Variants in SORCS3 observed in about 807,000 individuals in gnomAD.
SORCS3 encodes the protein VPS10 domain-containing receptor SorCS3.
Under a neutral mutation model 146.3 loss-of-function variants are expected in SORCS3, and 57 were observed. That is an observed-to-expected ratio of 0.39 (90% CI 0.31 to 0.49). The LOEUF is 0.49. Among genes scored for constraint, SORCS3 ranks in the 20% least tolerant of loss-of-function variants. SORCS3 has a pLI of 0.92. For missense variants in SORCS3, 1,341 were observed against 1,575.5 expected, an observed-to-expected ratio of 0.85 and a Z score of 2.52; for synonymous variants, 653 against 618.5, an observed-to-expected ratio of 1.06 and a Z score of -0.83.
chr10:104,774,895 C>T (rs940492842), intron 1 of SORCS3, among the ~76,000 whole-genome samples: 6 of 152,198 alleles, frequency 3.9e-5, no homozygotes, highest in Admixed American at 6.5e-5. Context: ...ACTTCACCAA[C>T]GAGCTGAGAC....
intron 7 of SORCS3, among the ~76,000 whole-genome samples, chr10:105,138,488 GCCT>G (rs1297260914): frequency 2.6e-5 from 4 of 152,196 alleles, no homozygotes; most frequent in Non-Finnish European, 5.9e-5. Context: ...TTGGGTAATT[GCCT>G]CCTCAGCGCA....
chr10:105,233,532 T>G (rs1237231471), intron 20 of SORCS3, among the ~76,000 whole-genome samples: 2 of 152,156 alleles, frequency 1.3e-5, no homozygotes. Context: ...CATTAGGTAC[T>G]TCTCCTAATG....
intron 19 of SORCS3, among the ~76,000 whole-genome samples, chr10:105,218,058 C>G (rs1274650176): frequency 1.3e-5 from 2 of 152,150 alleles, no homozygotes; most frequent in African/African-American, 4.8e-5. Flanking sequence ...GTGATGGCAT[C>G]AACTCTATTG....
At chr10:104,668,623 CTG>C (rs1311101666) in intron 1 of SORCS3, among the ~76,000 whole-genome samples, 1 of 152,306 alleles carries the variant, frequency 6.6e-6, no homozygotes, top group East Asian at 1.9e-4. Flanking sequence ...TCAAAATTAA[CTG>C]TGATTAAGTG....
intron 14 of SORCS3, among the ~76,000 whole-genome samples, chr10:105,184,219 T>C (rs2056461281): frequency 6.6e-6 from 1 of 152,208 alleles, no homozygotes; most frequent in South Asian, 2.1e-4. Context: ...ATTCAATCCT[T>C]CTAGCCTAGT....
chr10:105,215,352 A>G (rs1724529342), intron 18 of SORCS3, among the ~76,000 whole-genome samples: 1 of 152,184 alleles, frequency 6.6e-6, no homozygotes, highest in Non-Finnish European at 1.5e-5. Context: ...CTCTAAATTT[A>G]TATGCAAATT....
At chr10:104,937,216 C>T (rs2019268711) in intron 3 of SORCS3, among the ~76,000 whole-genome samples, 1 of 152,198 alleles carries the variant, frequency 6.6e-6, no homozygotes, top group Admixed American at 6.5e-5. Flanking sequence ...TAATGTTGGC[C>T]TGCCGTCCAC....
intron 25 of SORCS3, among the ~76,000 whole-genome samples, chr10:105,261,511 T>G (rs1350312900): frequency 2.6e-5 from 4 of 152,160 alleles, no homozygotes; most frequent in Non-Finnish European, 5.9e-5. Context: ...TAAGGAAGAC[T>G]CTGGGTGATG....
chr10:105,125,923 AC>A lies in SORCS3; in HGVS notation c.1213-13472del, dbSNP rs368664485. On this transcript the variant is annotated intron_variant, in intron 7 of 26. Coordinates refer to ENST00000369701, the MANE Select transcript of SORCS3 (RefSeq NM_014978.3). ...ATGATTGTCCCAAAGACATATCATA[AC>A]CAATAGGTGAGGGTGGGGGTTGGAA... 1.5e-3 allele frequency among the ~76,000 whole-genome samples: 228 copies of A among 152,280 alleles called. 1 individual carries two copies. The highest frequency in any genetic ancestry group is 5.2e-3 in the African/African-American group (217 of 41,562).
At chr10:104,998,276 C>T (rs73334049) in intron 4 of SORCS3, among the ~76,000 whole-genome samples, 1,869 of 152,084 alleles carry the variant, frequency 0.012, 31 homozygotes, top group African/African-American at 0.043. Flanking sequence ...TGTGTTATGT[C>T]GGGTGGATGG....
chr10:104,788,953 A>G (rs1194801596), intron 1 of SORCS3, among the ~76,000 whole-genome samples: 1 of 152,206 alleles, frequency 6.6e-6, no homozygotes, highest in East Asian at 1.9e-4. Context: ...GCCATCTGTT[A>G]GAAGCTGGAA....
chr10:105,229,670 T>C (rs1208816640), intron 20 of SORCS3, among the ~76,000 whole-genome samples: 1 of 152,200 alleles, frequency 6.6e-6, no homozygotes, highest in Non-Finnish European at 1.5e-5. Flanking sequence ...AGGCAGTTAT[T>C]AGTGGAGGCC....
In SORCS3 at chr10:105,094,554, T is replaced by G. The variant is rs75000894; in HGVS notation, c.1093+4715T>G. 6.5e-3 allele frequency among the ~76,000 whole-genome samples: 996 copies of G among 152,278 alleles called. 8 individuals are homozygous for G. Among genetic ancestry groups the G allele is most frequent in the African/African-American group, 0.023 (953 of 41,558 alleles). The stretch of plus-strand genomic sequence containing the variant: ...TGCACTGAGGGGACACACAGGTGAA[T>G]GTGATATCATCCTTACCATCAAGGA... On this transcript the variant is annotated intron_variant, in intron 6 of 26. Coordinates refer to ENST00000369701, the MANE Select transcript of SORCS3 (RefSeq NM_014978.3).
At chr10:104,708,979 G>C (rs375881210) in intron 1 of SORCS3, among the ~76,000 whole-genome samples, 1 of 152,218 alleles carries the variant, frequency 6.6e-6, no homozygotes, top group Non-Finnish European at 1.5e-5. Flanking sequence ...GCTCATTAGC[G>C]TGCAGTGGAG....
intron 1 of SORCS3, among the ~76,000 whole-genome samples, chr10:104,792,123 T>C (rs1049749085): frequency 5.3e-5 from 8 of 152,138 alleles, no homozygotes; most frequent in African/African-American, 1.7e-4. Flanking sequence ...GAGGCATAAG[T>C]ATAGAGGGAA....
chr10:105,017,003 T>C (rs1327652137), intron 4 of SORCS3, among the ~76,000 whole-genome samples: 2 of 152,228 alleles, frequency 1.3e-5, no homozygotes, highest in East Asian at 3.8e-4. Flanking sequence ...GAGGACAGCA[T>C]TTTTAACAAT....
At chr10:105,253,168 T>G (rs2056911157) in intron 23 of SORCS3, among the ~76,000 whole-genome samples, 1 of 152,018 alleles carries the variant, frequency 6.6e-6, no homozygotes, top group Non-Finnish European at 1.5e-5. Flanking sequence ...TCCCTCCCAG[T>G]GACTCTTCCT....
rs1351487801 is a variant in SORCS3, at chr10:104,641,523, A to G, written c.196A>G (p.Ser66Gly). 4.1e-6 allele frequency: 6 copies of G among 1,474,404 alleles called. No individual in the cohort carries two copies. The allele number at this position is 1,474,404 out of a possible 1,614,324, so 91.3% of individuals were successfully genotyped here. The change falls in exon 1 of 27, where the codon AGC (serine) becomes GGC (glycine). Residue 66 changes from serine to glycine, a missense_variant. Coordinates refer to ENST00000369701, the MANE Select transcript of SORCS3 (RefSeq NM_014978.3). This position sits in a 1 kb window ranked among gnomAD's most constrained non-coding sequence, Gnocchi z 6.4. ...TCCACTCTCGCCGCGGGCAGTGGCC[A>G]GCCAGTGGCCGGAGGAGCTGGCGTC... ...LSPLSPRAVA[S>G]QWPEELASAR...
intron 1 of SORCS3, among the ~76,000 whole-genome samples, chr10:104,720,485 A>C (rs1387580809): frequency 1.3e-5 from 2 of 152,220 alleles, no homozygotes; most frequent in Non-Finnish European, 2.9e-5. Flanking sequence ...CTTTGGATAT[A>C]TACCCAGTAA....
Sources: allele counts gnomAD v4.1 joint callset (sites outside exome capture counted in the v4.1 genomes callset), GRCh38; gene constraint gnomAD v4.1.1; non-coding constraint Gnocchi (gnomAD v3.1); transcripts MANE v1.5; gene names NCBI Gene and HGNC (gene_info 2026-07-23, HGNC 2026-07-21).